Variants in TCAIM observed in about 807,000 individuals in gnomAD.
TCAIM encodes the protein T cell activation inhibitor, mitochondrial.
TCAIM carries 36 observed loss-of-function variants against 58.6 expected under a neutral mutation model. The ratio of observed to expected loss-of-function variants is 0.61; its 90% CI spans 0.47 to 0.81. The LOEUF is 0.81. Among genes scored for constraint, TCAIM ranks in the 30% least tolerant of loss-of-function variants. TCAIM has a pLI of 0.00. For synonymous variants in TCAIM, 172 were observed against 193.6 expected, an observed-to-expected ratio of 0.89 and a Z score of 0.93; for missense variants, 466 against 579.6, an observed-to-expected ratio of 0.80 and a Z score of 2.01.
intron 6 of TCAIM, among the ~76,000 whole-genome samples, chr3:44,393,315 G>A (rs1701869425): frequency 1.3e-5 from 2 of 151,468 alleles, no homozygotes; most frequent in Admixed American, 6.6e-5. Context: ...AAAAAAAATA[G>A]CTAGGCACTA....
At position 44,380,430 on chromosome 3, in the gene TCAIM, A is replaced by G. The variant is rs148132790; in HGVS notation, c.573-12425A>G. Reference sequence around the variant, plus strand: ...TTAACAATTTTGAGCAAAAAAGAAAATATAGATGAATGAAAACAAAAACAC... The same window carrying G: ...TTAACAATTTTGAGCAAAAAAGAAAGTATAGATGAATGAAAACAAAAACAC... On this transcript the variant is annotated intron_variant, in intron 5 of 10. Coordinates refer to ENST00000342649, the MANE Select transcript of TCAIM (RefSeq NM_173826.4). Among the ~76,000 whole-genome samples the G allele has an allele frequency of 9.0e-4, 137 of 152,276 alleles. No homozygotes were observed. In the East Asian group the frequency reaches 0.023, roughly 26 times the overall value.
intron 1 of TCAIM, among the ~76,000 whole-genome samples, chr3:44,345,315 G>T (rs945999542): frequency 4.6e-5 from 7 of 151,878 alleles, no homozygotes; most frequent in Admixed American, 3.9e-4. Context: ...GAAGACGCAA[G>T]GTCCAAATAA....
At chr3:44,371,558 G>A (rs182021679) in intron 5 of TCAIM, among the ~76,000 whole-genome samples, 1 of 152,286 alleles carries the variant, frequency 6.6e-6, no homozygotes, top group East Asian at 1.9e-4. Context: ...GAAATGCAGG[G>A]TAGGCTAAAT....
intron 5 of TCAIM, among the ~76,000 whole-genome samples, chr3:44,376,042 A>G (rs865853161): frequency 2.6e-5 from 4 of 152,372 alleles, no homozygotes; most frequent in Middle Eastern, 6.8e-3. Flanking sequence ...TGAACCTTGA[A>G]AACATGCTAA....
At chr3:44,398,819 C>T (rs1313917186) in intron 8 of TCAIM, among the ~76,000 whole-genome samples, 1 of 152,120 alleles carries the variant, frequency 6.6e-6, no homozygotes, top group African/African-American at 2.4e-5. Context: ...TACATCCATA[C>T]CATAGGATTC....
chr3:44,401,672 A>C (rs981686114), intron 10 of TCAIM, among the ~76,000 whole-genome samples: 1 of 152,236 alleles, frequency 6.6e-6, no homozygotes, highest in Non-Finnish European at 1.5e-5. Flanking sequence ...AAAATTTTCA[A>C]ACTGTTGATA....
chr3:44,346,069 G>A (rs931885006), intron 1 of TCAIM, among the ~76,000 whole-genome samples: 5 of 152,168 alleles, frequency 3.3e-5, no homozygotes, highest in African/African-American at 9.7e-5. Flanking sequence ...GTAGCGTCCC[G>A]AGGACAGGCC....
chr3:44,374,171 T>C (rs969333216), intron 5 of TCAIM, among the ~76,000 whole-genome samples: 9 of 152,220 alleles, frequency 5.9e-5, no homozygotes, highest in African/African-American at 2.2e-4. Flanking sequence ...TAACTCATAT[T>C]GTGCGTTTAT....
chr3:44,405,850 G>T (rs1702091716), intron 10 of TCAIM, among the ~76,000 whole-genome samples: 1 of 151,154 alleles, frequency 6.6e-6, no homozygotes, highest in Non-Finnish European at 1.5e-5. Flanking sequence ...TACTTGGGAG[G>T]CTGAGGCAGG....
Position 44,358,995 on chromosome 3 carries a change from G to C in TCAIM, c.165+1119G>C, listed in dbSNP as rs750708952. On this transcript the variant is annotated intron_variant, in intron 3 of 10. Transcript: ENST00000342649. Reference sequence around the variant, plus strand: ...TCAACAGAAAAATATTCATTAACTCGGGGATGCATTAATAAAGTTTTTAAA... The same window carrying C: ...TCAACAGAAAAATATTCATTAACTCCGGGATGCATTAATAAAGTTTTTAAA... 6.1e-6 allele frequency: 6 copies of C among 984,204 alleles called. No homozygotes were observed. The South Asian group carries it at 2.4e-4, about 39-fold the overall frequency. The allele number at this position is 984,204 out of a possible 1,614,324, so 61.0% of individuals were successfully genotyped here. A position where few individuals can be genotyped will look rare whatever the true frequency, so the allele number is the denominator to read the frequency against.
chr3:44,352,837 C>G (rs548303935), intron 1 of TCAIM, among the ~76,000 whole-genome samples: 1 of 151,834 alleles, frequency 6.6e-6, no homozygotes, highest in Admixed American at 6.6e-5. Flanking sequence ...CTTCAGACTT[C>G]TTGCCTTTCC....
intron 5 of TCAIM, among the ~76,000 whole-genome samples, chr3:44,385,595 T>C (rs1268253479): frequency 2.0e-5 from 3 of 151,956 alleles, no homozygotes; most frequent in Non-Finnish European, 4.4e-5. Flanking sequence ...CAAAAAAAAT[T>C]AGCCGGGAGT....
intron 5 of TCAIM, among the ~76,000 whole-genome samples, chr3:44,388,989 C>G (rs945645796): frequency 2.6e-5 from 4 of 152,230 alleles, no homozygotes; most frequent in African/African-American, 9.7e-5. Flanking sequence ...AAACATGTAT[C>G]TTTATATCTG....
chr3:44,357,807 A>C lies in TCAIM; in HGVS notation c.96A>C (p.Ala32=). 2 of 1,614,202 alleles carry C rather than the reference A, an allele frequency of 1.2e-6. No individual in the cohort carries two copies. Among genetic ancestry groups the C allele is most frequent in the Non-Finnish European group, 1.7e-6 (2 of 1,180,028 alleles). Residue 32 remains alanine, a synonymous_variant, in exon 3 of 11, where the codon GCA becomes GCC. Transcript: ENST00000342649. ...PFSRALSGAE[A]VNALRPFYFA... ...CAAGAGCTTTATCGGGAGCTGAAGC[A>C]GTCAATGCCTTGAGGCCTTTCTATT...
intron 10 of TCAIM, among the ~76,000 whole-genome samples, chr3:44,402,197 G>A (rs1702031530): frequency 6.6e-6 from 1 of 151,922 alleles, no homozygotes; most frequent in Non-Finnish European, 1.5e-5. Flanking sequence ...TTGAGCCCAG[G>A]AGTTCAAGAC....
rs770538593 is a variant in TCAIM, at chr3:44,361,406, A to G, written c.207A>G (p.Leu69=). ...CTCTTAAAAGGTTAAGTGTCTACCT[A>G]GAAAACCTCCAGAAACCAGGCTTCA... ...ENSLKRLSVY[L]ENLQKPGFKS... Residue 69 remains leucine (L), a synonymous_variant, in exon 4 of 11, where the codon CTA becomes CTG. Coordinates refer to ENST00000342649, the MANE Select transcript of TCAIM (RefSeq NM_173826.4). 3.1e-6 allele frequency: 5 copies of G among 1,612,592 alleles called. No homozygotes were observed. The highest frequency in any genetic ancestry group is 2.5e-6 in the Non-Finnish European group (3 of 1,179,494).
At chr3:44,393,329 C>T (rs1014441342) in intron 6 of TCAIM, among the ~76,000 whole-genome samples, 1 of 151,658 alleles carries the variant, frequency 6.6e-6, no homozygotes, top group East Asian at 2.0e-4. Flanking sequence ...GGCACTATGG[C>T]CTGCACCTGT....
rs28429442 is a variant in TCAIM at position 44,343,621 on chromosome 3, C to T, written c.-45+4787C>T. ...CCACATTTCAAGTGCACAGTAGCTA[C>T]ATGTGGCTAGTGGCTGCCTACTGTT... On this transcript the variant is annotated intron_variant, in intron 1 of 10. Coordinates refer to ENST00000342649, the MANE Select transcript of TCAIM (RefSeq NM_173826.4). Among the ~76,000 whole-genome samples the T allele has an allele frequency of 4.7e-3, 716 of 152,326 alleles. 4 individuals carry two copies. Among genetic ancestry groups the T allele is most frequent in the African/African-American group, 0.016 (684 of 41,574 alleles).
chr3:44,407,868 G>A lies in TCAIM; in HGVS notation c.*186G>A. On this transcript the variant is annotated 3_prime_UTR_variant, in exon 11 of 11. Coordinates refer to ENST00000342649, the MANE Select transcript of TCAIM (RefSeq NM_173826.4). ...GAGGTTTTATATGCCAGGCGTGGTG[G>A]CTCATGCCTGCGGTCCCAGCTACTT... 3.5e-6 allele frequency: 2 copies of A among 572,712 alleles called. No individual in the cohort carries two copies. Among genetic ancestry groups the A allele is most frequent in the Non-Finnish European group, 5.5e-6 (2 of 361,332 alleles). The allele number at this position is 572,712 out of a possible 1,614,324, so 35.5% of individuals were successfully genotyped here. A position where few individuals can be genotyped will look rare whatever the true frequency, so the allele number is the denominator to read the frequency against.
Sources: allele counts gnomAD v4.1 joint callset (sites outside exome capture counted in the v4.1 genomes callset), GRCh38; gene constraint gnomAD v4.1.1; transcripts MANE v1.5; gene names NCBI Gene and HGNC (gene_info 2026-07-23, HGNC 2026-07-21).